RBM47: variants seen among roughly 807,000 people sequenced by gnomAD.
The protein encoded by RBM47 is RNA-binding protein 47.
RBM47 carries 21 observed loss-of-function variants against 47.1 expected under a neutral mutation model. That is an observed-to-expected ratio of 0.45 (90% CI 0.32 to 0.64). The LOEUF (loss-of-function observed/expected upper bound fraction) is 0.64. RBM47 is among the 30% of genes least tolerant of loss of function. The probability of loss-of-function intolerance (pLI) is 0.05; values close to 1 mark genes in which losing one functional copy is unlikely to be tolerated. For synonymous variants in RBM47, 375 were observed against 361.7 expected (o/e 1.04, Z -0.42); for missense variants, 708 against 870.9 (o/e 0.81, Z 2.35).
chr4:40,528,945 AAAAAAAAT>A (rs1257168357), intron 2 of RBM47, among the ~76,000 whole-genome samples: 4 of 92,348 alleles, frequency 4.3e-5, no homozygotes, highest in East Asian at 3.0e-4. Flanking sequence ...TCCGTCTCAA[AAAAAAAAT>A]AAATAAATAA....
At chr4:40,627,491 AC>A (rs1737853971) in intron 1 of RBM47, among the ~76,000 whole-genome samples, 1 of 152,206 alleles carries the variant, frequency 6.6e-6, no homozygotes, top group African/African-American at 2.4e-5. Flanking sequence ...GCGGAAACTT[AC>A]TGAAATAGCC....
At chr4:40,505,438 C>T (rs368478819) in intron 2 of RBM47, among the ~76,000 whole-genome samples, 3 of 145,150 alleles carry the variant, frequency 2.1e-5, no homozygotes, top group Middle Eastern at 3.7e-3. Context: ...ATTGTGCCAT[C>T]GCACTCCAGC....
chr4:40,608,955 C>T (rs1736003177), intron 1 of RBM47, among the ~76,000 whole-genome samples: 1 of 152,122 alleles, frequency 6.6e-6, no homozygotes, highest in Non-Finnish European at 1.5e-5. Flanking sequence ...GAGCTCTCTG[C>T]AGTGTTTGGC....
intron 6 of RBM47, among the ~76,000 whole-genome samples, chr4:40,431,444 G>C (rs1020630632): frequency 6.6e-6 from 1 of 152,152 alleles, no homozygotes; most frequent in Non-Finnish European, 1.5e-5. Context: ...GGATCACGAG[G>C]TCAGGAGATT....
chr4:40,587,296 G>A (rs1410339926), intron 1 of RBM47, among the ~76,000 whole-genome samples: 1 of 152,116 alleles, frequency 6.6e-6, no homozygotes, highest in Non-Finnish European at 1.5e-5. Context: ...ACTCAGGAGA[G>A]CATATTAAGG....
intron 2 of RBM47, among the ~76,000 whole-genome samples, chr4:40,500,085 CGGGT>C (rs1188218073): frequency 6.6e-6 from 1 of 151,900 alleles, no homozygotes; most frequent in Admixed American, 6.6e-5. Flanking sequence ...GAGGCCGAGG[CGGGT>C]GGATCACCTG....
At chr4:40,488,032 G>A (rs1721351901) in intron 2 of RBM47, among the ~76,000 whole-genome samples, 1 of 152,006 alleles carries the variant, frequency 6.6e-6, no homozygotes, top group East Asian at 1.9e-4. Context: ...GAAAGAAAGA[G>A]AGAGAGAGGC....
At chr4:40,433,008 T>C in intron 5 of RBM47, 146 bp from the exon 6 acceptor site, 1 of 1,191,920 alleles carries the variant, frequency 8.4e-7, no homozygotes, top group Middle Eastern at 2.9e-4. Context: ...TGGCCCAGGC[T>C]GGAATGCAGT....
chr4:40,508,760 G>A (rs1370094370), intron 2 of RBM47, among the ~76,000 whole-genome samples: 3 of 152,226 alleles, frequency 2.0e-5, no homozygotes, highest in Non-Finnish European at 4.4e-5. Context: ...CTTAATCTGG[G>A]TGGTGGTTCC....
chr4:40,492,231 C>G (rs1289595579), intron 2 of RBM47, among the ~76,000 whole-genome samples: 3 of 151,952 alleles, frequency 2.0e-5, no homozygotes, highest in Non-Finnish European at 4.4e-5. Context: ...ATAGCCAGGC[C>G]TGGGGGTATG....
chr4:40,432,983 C>T (rs1711590092), intron 5 of RBM47, 121 bp from the exon 6 acceptor site: 2 of 1,377,644 alleles, frequency 1.5e-6, no homozygotes, highest in Admixed American at 3.1e-5. Flanking sequence ...TTTTTTGAGA[C>T]AGGGTCTCAC....
At chr4:40,583,764 A>G (rs950012731) in intron 1 of RBM47, among the ~76,000 whole-genome samples, 2 of 151,084 alleles carry the variant, frequency 1.3e-5, no homozygotes, top group African/African-American at 2.4e-5. Context: ...AGGCTGAGGC[A>G]GGAGAATGGC....
In RBM47 at chr4:40,425,327, C is replaced by T. The variant is rs1481257362; in HGVS notation, c.*577G>A. ...GTACCGCCATGATGATACATGGTAACACCATCAACCCTTAATGCCAGCAGA... is the reference window on the plus strand; with the variant it reads ...GTACCGCCATGATGATACATGGTAATACCATCAACCCTTAATGCCAGCAGA... On this transcript the variant is annotated 3_prime_UTR_variant, in exon 7 of 7. Transcript: ENST00000295971. 6.5e-6 allele frequency: 1 copy of T among 152,758 alleles called. No homozygotes were observed. Among genetic ancestry groups the T allele is most frequent in the Non-Finnish European group, 1.5e-5 (1 of 68,144 alleles). The allele number at this position is 152,758 out of a possible 1,614,324, so 9.5% of individuals were successfully genotyped here. A position where few individuals can be genotyped will look rare whatever the true frequency, so the allele number is the denominator to read the frequency against.
upstream of RBM47, chr4:40,630,268 C>A (rs76377090): frequency 0.023 from 3,553 of 152,470 alleles, 126 homozygotes; most frequent in African/African-American, 0.077. Flanking sequence ...CGCTCGGCCC[C>A]CTTCGGGCTG....
intron 6 of RBM47, among the ~76,000 whole-genome samples, chr4:40,429,340 A>G (rs963944833): frequency 4.6e-5 from 7 of 152,198 alleles, no homozygotes; most frequent in African/African-American, 1.7e-4. Flanking sequence ...GGTTGCTAAG[A>G]ACTACAGTAA....
At chr4:40,619,638 A>G (rs556566984) in intron 1 of RBM47, among the ~76,000 whole-genome samples, 48 of 152,006 alleles carry the variant, frequency 3.2e-4, no homozygotes, top group Non-Finnish European at 6.3e-4. Context: ...GACCTTCATG[A>G]ACGCTACTCC....
chr4:40,617,451 C>G (rs755605876), intron 1 of RBM47, among the ~76,000 whole-genome samples: 111 of 151,838 alleles, frequency 7.3e-4, no homozygotes, highest in Non-Finnish European at 1.3e-3. Context: ...CTCAGCTACT[C>G]GGGAGGCTGA....
In RBM47 at chr4:40,629,619, A is replaced by C. The variant is rs1435113615; in HGVS notation, c.-463T>G. The C allele has an allele frequency of 6.6e-6, 1 of 152,276 alleles. No individual in the cohort carries two copies. Among genetic ancestry groups the C allele is most frequent in the East Asian group, 1.9e-4 (1 of 5,202 alleles). 9.4% of individuals were successfully genotyped at this position (152,276 alleles called of 1,614,324 possible). A position where few individuals can be genotyped will look rare whatever the true frequency, so the allele number is the denominator to read the frequency against. Reference sequence around the variant, plus strand: ...CAGGCTCTGGGAATTCCAGTGGGTCAGAATTGCTTAACCTTGGAGACTTGC... The same window carrying C: ...CAGGCTCTGGGAATTCCAGTGGGTCCGAATTGCTTAACCTTGGAGACTTGC... On this transcript the variant is annotated 5_prime_UTR_variant, in exon 1 of 7. Transcript: ENST00000295971.
chr4:40,495,334 T>C (rs1722424875), intron 2 of RBM47, among the ~76,000 whole-genome samples: 1 of 152,168 alleles, frequency 6.6e-6, no homozygotes, highest in Admixed American at 6.5e-5. Flanking sequence ...CAGCCAGGCA[T>C]GGTGGCTCAC....
Sources: gnomAD v4.1 joint callset for allele counts (sites outside exome capture counted in the v4.1 genomes callset) on GRCh38, gnomAD v4.1.1 for gene constraint, MANE v1.5 for transcripts, NCBI Gene and HGNC (gene_info 2026-07-23, HGNC 2026-07-21) for gene names.